WDR49: variants seen among roughly 807,000 people sequenced by gnomAD.
WDR49 encodes the protein WD repeat domain 49.
In WDR49, 107 loss-of-function variants were observed where a neutral mutation model predicts 119.5. The observed-to-expected ratio is 0.90, with a 90% confidence interval of 0.77 to 1.05. WDR49 has a LOEUF of 1.05. WDR49 is among the 50% of genes least tolerant of loss of function. The pLI, the probability that WDR49 is intolerant of heterozygous loss-of-function variation, is 0.00. For synonymous variants in WDR49, 425 were observed against 418.8 expected (o/e 1.01, Z -0.18); for missense variants, 1,240 against 1,220.5 (o/e 1.02, Z -0.24).
At chr3:167,628,552 T>C (rs1042806779) in intron 2 of WDR49, among the ~76,000 whole-genome samples, 7 of 152,038 alleles carry the variant, frequency 4.6e-5, no homozygotes, top group African/African-American at 1.2e-4. Context: ...GCCCTAACTT[T>C]CCTTAGTTTT....
At chr3:167,560,525 G>A (rs1339617230) in intron 8 of WDR49, among the ~76,000 whole-genome samples, 3 of 152,024 alleles carry the variant, frequency 2.0e-5, no homozygotes, top group Non-Finnish European at 4.4e-5. Context: ...ATAAACTTAC[G>A]AATCTTTCCC....
Position 167,621,605 on chromosome 3 carries a change from A to T in WDR49, c.645T>A (p.Tyr215Ter), listed in dbSNP as rs890933221. Residue 215 changes from tyrosine to a stop codon, truncating the protein, a stop_gained, in exon 4 of 19, where the codon TAT (tyrosine) becomes TAA (stop). Transcript: ENST00000682715. LOFTEE classifies it high-confidence loss of function. ...VAFTSKEVCFYDLLSKEEFAC... is the reference protein window; with the variant it reads ...VAFTSKEVCF ...CAAATTCTTCTTTGGACAGCAGATCATAGAAACAAACCTCTTTACTTGTAA... is the reference window on the plus strand; with the variant it reads ...CAAATTCTTCTTTGGACAGCAGATCTTAGAAACAAACCTCTTTACTTGTAA... The T allele has an allele frequency of 1.3e-6, 2 of 1,534,640 alleles. No individual in the cohort carries two copies. The highest frequency in any genetic ancestry group is 2.7e-5 in the African/African-American group (2 of 72,978).
At chr3:167,492,469 G>C (rs948413269) in intron 18 of WDR49, among the ~76,000 whole-genome samples, 7 of 152,034 alleles carry the variant, frequency 4.6e-5, no homozygotes, top group Non-Finnish European at 1.0e-4. Flanking sequence ...TCTTTATATA[G>C]AAAATGTGGG....
chr3:167,504,102 G>A (rs1381206472), intron 17 of WDR49, among the ~76,000 whole-genome samples: 1 of 152,188 alleles, frequency 6.6e-6, no homozygotes, highest in African/African-American at 2.4e-5. Flanking sequence ...CTCACTAGTA[G>A]AGGGGAAATG....
intron 7 of WDR49, among the ~76,000 whole-genome samples, chr3:167,577,618 C>T (rs1198828597): frequency 6.6e-6 from 1 of 151,992 alleles, no homozygotes; most frequent in Non-Finnish European, 1.5e-5. Flanking sequence ...AACATGATGA[C>T]CAGCCTGTAA....
intron 16 of WDR49, among the ~76,000 whole-genome samples, chr3:167,520,768 G>A (rs1752407161): frequency 6.6e-6 from 1 of 152,240 alleles, no homozygotes; most frequent in Non-Finnish European, 1.5e-5. Flanking sequence ...TAGACTCTGT[G>A]TGAAGAGTCA....
chr3:167,629,465 T>A (rs77049485), intron 2 of WDR49, among the ~76,000 whole-genome samples: 2,466 of 152,140 alleles, frequency 0.016, 57 homozygotes, highest in Admixed American at 0.061. Context: ...ACAAGGGGAT[T>A]AATATTGTTT....
intron 2 of WDR49, among the ~76,000 whole-genome samples, chr3:167,650,488 C>A (rs1273253426): frequency 1.3e-5 from 2 of 152,134 alleles, no homozygotes; most frequent in Non-Finnish European, 2.9e-5. Context: ...ACCCAGGTAA[C>A]TTATTTGTTC....
At chr3:167,500,423 TG>T in intron 17 of WDR49, 124 bp from the exon 18 acceptor site, 29 of 1,160,466 alleles carry the variant, frequency 2.5e-5, no homozygotes, top group Non-Finnish European at 3.5e-5. Flanking sequence ...GTTACTCAGC[TG>T]GTACAGCTGC....
At chr3:167,584,603 A>C (rs538980891) in intron 7 of WDR49, among the ~76,000 whole-genome samples, 1 of 152,296 alleles carries the variant, frequency 6.6e-6, no homozygotes, top group African/African-American at 2.4e-5. Flanking sequence ...AAATTAATGG[A>C]AAGAATAAAG....
intron 2 of WDR49, among the ~76,000 whole-genome samples, chr3:167,635,898 C>A (rs1427802845): frequency 6.6e-6 from 1 of 151,666 alleles, no homozygotes; most frequent in Non-Finnish European, 1.5e-5. Context: ...GTTCAGTCAA[C>A]AAATGTTTAT....
chr3:167,586,430 T>C (rs540277888), intron 7 of WDR49, among the ~76,000 whole-genome samples: 2 of 152,228 alleles, frequency 1.3e-5, no homozygotes, highest in South Asian at 2.1e-4. Context: ...CACTGGAAAA[T>C]AGCAATAGAG....
At chr3:167,618,988 A>G (rs183560827) in intron 5 of WDR49, among the ~76,000 whole-genome samples, 2 of 152,274 alleles carry the variant, frequency 1.3e-5, no homozygotes, top group East Asian at 3.9e-4. Context: ...CTTCCTGAAC[A>G]TGAAGAATAT....
chr3:167,542,487 C>T (rs1318285984), intron 10 of WDR49, among the ~76,000 whole-genome samples: 1 of 151,976 alleles, frequency 6.6e-6, no homozygotes, highest in East Asian at 1.9e-4. Flanking sequence ...AAAAGGAACC[C>T]TCAAAACTAT....
chr3:167,537,106 G>T, intron 10 of WDR49, 106 bp from the exon 11 acceptor site: 1 of 1,176,646 alleles, frequency 8.5e-7, no homozygotes, highest in Non-Finnish European at 1.1e-6. Context: ...AAAAGACTAT[G>T]CTGCCCAAAA....
chr3:167,540,906 T>C (rs1426465444), intron 10 of WDR49, among the ~76,000 whole-genome samples: 22 of 151,528 alleles, frequency 1.5e-4, no homozygotes, highest in Non-Finnish European at 4.4e-5. Flanking sequence ...ATATAGAAAA[T>C]GCACTGGAAA....
rs1714242190 is a variant in WDR49 at position 167,576,164 on chromosome 3, T to TGATAAAATCATTTCAATATGTCAG, written c.1276-14_1276-13insCTGACATATTGAAATGATTTTATC. ...AGAGTCTCAAAACCTGGATGAAAAG[T>TGATAAAATCATTTCAATATGTCAG]GATAAAATCATTTCAATATGTCAAA... On this transcript the variant is annotated splice_polypyrimidine_tract_variant and intron_variant, in intron 7 of 18. Transcript: ENST00000682715. The TGATAAAATCATTTCAATATGTCAG allele has an allele frequency of 6.2e-7, 1 of 1,606,198 alleles. No individual in the cohort carries two copies. The highest frequency in any genetic ancestry group is 8.5e-7 in the Non-Finnish European group (1 of 1,174,912).
At chr3:167,564,254 G>C (rs1190740092) in intron 8 of WDR49, among the ~76,000 whole-genome samples, 1 of 152,178 alleles carries the variant, frequency 6.6e-6, no homozygotes, top group Middle Eastern at 3.2e-3. Context: ...TCACGGTGCA[G>C]TTTGCAGGAA....
chr3:167,540,505 A>G (rs1711750042), intron 10 of WDR49, among the ~76,000 whole-genome samples: 1 of 152,166 alleles, frequency 6.6e-6, no homozygotes, highest in Admixed American at 6.5e-5. Context: ...ACAGTGCACC[A>G]CAGCAAGGGA....
Sources: gnomAD v4.1 joint callset for allele counts (sites outside exome capture counted in the v4.1 genomes callset) on GRCh38, gnomAD v4.1.1 for gene constraint, MANE v1.5 for transcripts, NCBI Gene and HGNC (gene_info 2026-07-23, HGNC 2026-07-21) for gene names.